Variants in FOXN1 observed in about 807,000 individuals in gnomAD.
FOXN1 encodes forkhead box N1.
In FOXN1, 15 loss-of-function variants were observed where a neutral mutation model predicts 49.0. That is an observed-to-expected ratio of 0.31 (90% CI 0.20 to 0.47). The LOEUF (loss-of-function observed/expected upper bound fraction) is 0.47. FOXN1 is among the 20% of genes least tolerant of loss of function. The pLI, the probability that FOXN1 is intolerant of heterozygous loss-of-function variation, is 1.00. For missense variants in FOXN1, 800 were observed against 842.8 expected, an observed-to-expected ratio of 0.95 and a Z score of 0.63; for synonymous variants, 356 against 369.0, an observed-to-expected ratio of 0.96 and a Z score of 0.40.
At chr17:28,528,651 C>G (rs2069830866) in intron 4 of FOXN1, among the ~76,000 whole-genome samples, 2 of 152,232 alleles carry the variant, frequency 1.3e-5, no homozygotes, top group African/African-American at 4.8e-5. Context: ...ACCACCATGA[C>G]TGGCCCTTTC....
At chr17:28,536,025 C>T (rs1480683781) in intron 8 of FOXN1, among the ~76,000 whole-genome samples, 1 of 152,150 alleles carries the variant, frequency 6.6e-6, no homozygotes, top group Non-Finnish European at 1.5e-5. Flanking sequence ...ATGGCTAAGC[C>T]CACCCATTCC....
chr17:28,536,039 C>T (rs1023277571), intron 8 of FOXN1, among the ~76,000 whole-genome samples: 3 of 152,154 alleles, frequency 2.0e-5, no homozygotes, highest in Non-Finnish European at 4.4e-5. Flanking sequence ...CCATTCCCGT[C>T]TAAATTCCAG....
rs1411719423 is a variant in FOXN1, at chr17:28,529,116, A to G, written c.722A>G (p.Tyr241Cys). The G allele has an allele frequency of 6.2e-7, 1 of 1,613,994 alleles. No individual in the cohort carries two copies. The highest frequency in any genetic ancestry group is 1.3e-5 in the African/African-American group (1 of 74,972). The change falls in exon 5 of 9, where the codon TAC becomes TGC. Residue 241 changes from tyrosine to cysteine, a missense_variant. Tyr to Cys is a radical substitution (Grantham distance 194). Coordinates refer to ENST00000579795, the MANE Select transcript of FOXN1 (RefSeq NM_001369369.1). ...CAGTACTCGCCAGGTGGTGGCAGCT[A>G]CCCCATACCCTACCTGGGCTCCTCA... ...FHQYSPGGGS[Y>C]PIPYLGSSHY...
chr17:28,509,817 G>A (rs1008560042), intron 1 of FOXN1, among the ~76,000 whole-genome samples: 37 of 152,232 alleles, frequency 2.4e-4, no homozygotes, highest in African/African-American at 8.7e-4. Flanking sequence ...GGCTGGGAGC[G>A]TAACTGATCC....
At position 28,529,168 on chromosome 17, in the gene FOXN1, C is replaced by T; in HGVS notation, c.774C>T (p.Pro258=). 6.2e-7 allele frequency: 1 copy of T among 1,614,166 alleles called. No individual in the cohort carries two copies. The highest frequency in any genetic ancestry group is 2.2e-5 in the East Asian group (1 of 44,880). ...ACTATCAGTACCAGCGAATGGCACC[C>T]CAGGCCAGCACCGATGGGCACCAGC... is the stretch of plus-strand genomic sequence containing the variant. ...SSHYQYQRMA[P]QASTDGHQPL... is the part of the protein sequence containing the mutation. Residue 258 remains proline (P), a synonymous_variant, in exon 5 of 9, where the codon CCC becomes CCT. Coordinates refer to ENST00000579795, the MANE Select transcript of FOXN1 (RefSeq NM_001369369.1).
chr17:28,524,993 C>A, intron 3 of FOXN1, 26 bp downstream of exon 3: 1 of 1,523,440 alleles, frequency 6.6e-7, no homozygotes, highest in Non-Finnish European at 9.0e-7. Context: ...CAGCGAGTGT[C>A]CCATCTTCCC....
intron 1 of FOXN1, among the ~76,000 whole-genome samples, chr17:28,522,654 AC>A (rs2069664138): frequency 6.6e-6 from 1 of 152,074 alleles, no homozygotes; most frequent in Non-Finnish European, 1.5e-5. Context: ...CTCCAAAAAA[AC>A]AAATAAATAA....
intron 4 of FOXN1, among the ~76,000 whole-genome samples, chr17:28,528,317 G>A (rs1400734641): frequency 6.6e-6 from 1 of 152,192 alleles, no homozygotes; most frequent in East Asian, 1.9e-4. Flanking sequence ...CCAGGGTAGA[G>A]GATGTCCCTG....
At chr17:28,518,475 C>T (rs1284290226) in intron 1 of FOXN1, among the ~76,000 whole-genome samples, 1 of 152,176 alleles carries the variant, frequency 6.6e-6, no homozygotes, top group African/African-American at 2.4e-5. Flanking sequence ...GGGCGCAGGC[C>T]GGCTGTTTGT....
At chr17:28,520,069 G>A (rs1481310888) in intron 1 of FOXN1, among the ~76,000 whole-genome samples, 1 of 152,206 alleles carries the variant, frequency 6.6e-6, no homozygotes, top group Non-Finnish European at 1.5e-5. Context: ...AGAGAGGTAA[G>A]TATTTATTAG....
chr17:28,532,779 C>T (rs533584180), intron 6 of FOXN1, among the ~76,000 whole-genome samples: 1 of 152,262 alleles, frequency 6.6e-6, no homozygotes, highest in Admixed American at 6.5e-5. Context: ...AGCCACTGGA[C>T]ATAATTGTTA....
chr17:28,525,621 G>A (rs946879479), intron 3 of FOXN1, among the ~76,000 whole-genome samples: 11 of 152,272 alleles, frequency 7.2e-5, no homozygotes, highest in African/African-American at 2.6e-4. Context: ...AAGCTAAAGG[G>A]AATTTGCTCC....
Position 28,537,625 on chromosome 17 carries a change from A to G in FOXN1, c.*189A>G. The G allele has an allele frequency of 1.6e-6, 1 of 643,566 alleles. No homozygotes were observed. Among genetic ancestry groups the G allele is most frequent in the Non-Finnish European group, 2.8e-6 (1 of 353,820 alleles). 39.9% of individuals were successfully genotyped at this position (643,566 alleles called of 1,614,324 possible). A position where few individuals can be genotyped will look rare whatever the true frequency, so the allele number is the denominator to read the frequency against. On this transcript the variant is annotated 3_prime_UTR_variant, in exon 9 of 9. Transcript: ENST00000579795. ...TCACCTGGGGTGCTGCCTCTCACAC[A>G]TTTCTGCCACGTGGTGGCCCAGCTC...
At chr17:28,519,617 G>A (rs184548656) in intron 1 of FOXN1, among the ~76,000 whole-genome samples, 124 of 152,250 alleles carry the variant, frequency 8.1e-4, no homozygotes, top group Non-Finnish European at 1.2e-3. Flanking sequence ...ACTGGAACAG[G>A]CAGGATAAAG....
At position 28,537,875 on chromosome 17, in the gene FOXN1, G is replaced by A. The variant is rs910707858; in HGVS notation, c.*439G>A. 2 of 261,738 alleles carry A rather than the reference G, an allele frequency of 7.6e-6. No individual in the cohort carries two copies. Among genetic ancestry groups the A allele is most frequent in the African/African-American group, 2.2e-5 (1 of 45,240 alleles). 16.2% of individuals were successfully genotyped at this position (261,738 alleles called of 1,614,324 possible). A position where few individuals can be genotyped will look rare whatever the true frequency, so the allele number is the denominator to read the frequency against. On this transcript the variant is annotated 3_prime_UTR_variant, in exon 9 of 9. Transcript: ENST00000579795. ...GCGCTTTGCTTACCAAAAGCTCAGGGCCCTGTGCCAGGCCAAAGATCCCCC... is the reference window on the plus strand; with the variant it reads ...GCGCTTTGCTTACCAAAAGCTCAGGACCCTGTGCCAGGCCAAAGATCCCCC...
intron 6 of FOXN1, among the ~76,000 whole-genome samples, chr17:28,531,168 G>C (rs2069903943): frequency 6.6e-6 from 1 of 152,240 alleles, no homozygotes; most frequent in Non-Finnish European, 1.5e-5. Flanking sequence ...GGAAGAGAAA[G>C]TTGGAGAAGA....
At position 28,530,829 on chromosome 17, in the gene FOXN1, A is replaced by G. The variant is rs2069895545; in HGVS notation, c.911A>G (p.His304Arg). 8 of 1,596,916 alleles carry G rather than the reference A, an allele frequency of 5.0e-6. No individual in the cohort carries two copies. Among genetic ancestry groups the G allele is most frequent in the Non-Finnish European group, 6.9e-6 (8 of 1,164,226 alleles). ...GAGATCTACAATTTTATGACGGAGCACTTTCCTTACTTCAAGGTGAGCCCA... is the reference window on the plus strand; with the variant it reads ...GAGATCTACAATTTTATGACGGAGCGCTTTCCTTACTTCAAGGTGAGCCCA... ...VSEIYNFMTE[H>R]FPYFKTAPDG... Residue 304 changes from histidine (H) to arginine (R), a missense_variant, in exon 6 of 9, where the codon CAC becomes CGC. His to Arg is a conservative substitution (Grantham distance 29). Transcript: ENST00000579795.
Position 28,534,828 on chromosome 17 carries a change from C to T in FOXN1, c.1257C>T (p.Leu419=), listed in dbSNP as rs780667667. 2.5e-6 allele frequency: 4 copies of T among 1,613,934 alleles called. No homozygotes were observed. The highest frequency in any genetic ancestry group is 1.1e-5 in the South Asian group (1 of 91,082). ...GGCCCCTGGCACCCCCAGCTGGCCT[C>T]TCCCCACCACTGCACTCACTCCACC... The part of the protein sequence containing the change: ...PIRPLAPPAG[L]SPPLHSLHPA... Residue 419 remains leucine, a synonymous_variant, in exon 8 of 9, where the codon CTC becomes CTT. Coordinates refer to ENST00000579795, the MANE Select transcript of FOXN1 (RefSeq NM_001369369.1). This position sits in a 1 kb window ranked among gnomAD's most constrained non-coding sequence, Gnocchi z 4.1.
At chr17:28,515,502 C>T (rs960261221) in intron 1 of FOXN1, among the ~76,000 whole-genome samples, 1 of 151,616 alleles carries the variant, frequency 6.6e-6, no homozygotes, top group East Asian at 1.9e-4. Flanking sequence ...GGTGAACATA[C>T]TTCCACAAGT....
Sources: gnomAD v4.1 joint callset for allele counts (sites outside exome capture counted in the v4.1 genomes callset) on GRCh38, gnomAD v4.1.1 for gene constraint, Gnocchi (gnomAD v3.1) non-coding constraint, MANE v1.5 for transcripts, NCBI Gene and HGNC (gene_info 2026-07-23, HGNC 2026-07-21) for gene names.